COL4A2: variants seen among roughly 807,000 people sequenced by gnomAD.
The protein encoded by COL4A2 is collagen type IV alpha 2 chain.
COL4A2 carries 99 observed loss-of-function variants against 200.2 expected under a neutral mutation model. That is an observed-to-expected ratio of 0.49 (90% CI 0.42 to 0.58). The LOEUF is 0.58. Among genes scored for constraint, COL4A2 ranks in the 20% least tolerant of loss-of-function variants. The pLI is 0.00. For missense variants in COL4A2, 1,950 were observed against 2,314.1 expected (o/e 0.84, Z 3.23); for synonymous variants, 897 against 900.6 (o/e 1.00, Z 0.07).
chr13:110,377,706 A>T (rs1224340497), intron 4 of COL4A2, among the ~76,000 whole-genome samples: 1 of 152,250 alleles, frequency 6.6e-6, no homozygotes, highest in Non-Finnish European at 1.5e-5. Flanking sequence ...GAAATTCATT[A>T]TGTTGAGCTA....
intron 16 of COL4A2, 152 bp downstream of exon 16, chr13:110,439,985 G>C (rs1220275141): frequency 8.1e-7 from 1 of 1,234,776 alleles, no homozygotes; most frequent in Non-Finnish European, 1.1e-6. Flanking sequence ...AGATAATCCT[G>C]CCTCACAATA....
At chr13:110,450,262 G>C in intron 19 of COL4A2, 43 bp from the exon 20 acceptor site, 2 of 1,584,296 alleles carry the variant, frequency 1.3e-6, no homozygotes, top group Non-Finnish European at 1.7e-6. Flanking sequence ...CAGCGGTGTG[G>C]TATGGGAGAC....
intron 32 of COL4A2, among the ~76,000 whole-genome samples, chr13:110,483,624 C>T (rs1238646905): frequency 4.6e-5 from 7 of 151,856 alleles, no homozygotes; most frequent in Non-Finnish European, 7.4e-5. Flanking sequence ...TGCCACGTGT[C>T]GTCTGACTGC....
At chr13:110,370,248 G>A (rs1156888315) in intron 4 of COL4A2, among the ~76,000 whole-genome samples, 1 of 150,806 alleles carries the variant, frequency 6.6e-6, no homozygotes, top group Non-Finnish European at 1.5e-5. Context: ...CTTTTGACAA[G>A]TTTTTTGTTT....
rs2139560920 is a variant in COL4A2, at chr13:110,508,755, G to C, written c.4881+534G>C. The stretch of plus-strand genomic sequence containing the variant: ...AAGCCAGGAGAAGGTGCACAACCAG[G>C]ACCTGGGAAGGCACCGCCCACCCTT... On this transcript the variant is annotated intron_variant, in intron 47 of 47. Transcript: ENST00000360467. This position sits in a 1 kb window ranked among gnomAD's most constrained non-coding sequence, Gnocchi z 6.1. Among the ~76,000 whole-genome samples the C allele has an allele frequency of 6.6e-6, 1 of 152,296 alleles. No homozygotes were observed. Among genetic ancestry groups the C allele is most frequent in the East Asian group, 1.9e-4 (1 of 5,184 alleles).
Position 110,434,422 on chromosome 13 carries a change from T to C in COL4A2, c.706T>C (p.Tyr236His), listed in dbSNP as rs767482731. Residue 236 changes from tyrosine (Y) to histidine (H), a missense_variant, in exon 12 of 48, where the codon TAC becomes CAC. Around this residue, in one of 2 missense-constraint regions of COL4A2, gnomAD observed 565 missense variants for 593.5 expected, o/e 0.95. Coordinates refer to ENST00000360467, the MANE Select transcript of COL4A2 (RefSeq NM_001846.4). Reference protein sequence around the residue: ...GQQGNRGLGFYGVKGEKGDVG... With the variant: ...GQQGNRGLGFHGVKGEKGDVG... ...TCAGGGCAACAGAGGACTTGGTTTC[T>C]ACGGAGTTAAGGGTGAAAAGGTAAA... 2 of 1,614,104 alleles carry C rather than the reference T, an allele frequency of 1.2e-6. No homozygotes were observed. Among genetic ancestry groups the C allele is most frequent in the Non-Finnish European group, 1.7e-6 (2 of 1,179,980 alleles).
In COL4A2 at chr13:110,480,324, C is replaced by T. The variant is rs774237426; in HGVS notation, c.2692C>T (p.Gln898Ter). 1 of 1,613,924 alleles carries T rather than the reference C, an allele frequency of 6.2e-7. No homozygotes were observed. The highest frequency in any genetic ancestry group is 1.1e-5 in the South Asian group (1 of 91,042). Residue 898 changes from glutamine to a stop codon, truncating the protein, a stop_gained, in exon 31 of 48, where the codon CAA (glutamine) becomes TAA (stop). Coordinates refer to ENST00000360467, the MANE Select transcript of COL4A2 (RefSeq NM_001846.4). LOFTEE classifies it high-confidence loss of function. ...DRGDAGFTGE[Q>*]GHPGSPGFKG... ...AGGAGATGCTGGCTTCACAGGGGAG[C>T]AAGGCCATCCAGGAAGCCCTGGATT...
At chr13:110,445,680 C>T in intron 16 of COL4A2, 149 bp from the exon 17 acceptor site, 1 of 1,058,700 alleles carries the variant, frequency 9.4e-7, no homozygotes, top group Non-Finnish European at 1.3e-6. Context: ...TTTTTGAGAC[C>T]CAAGTCAGGG....
At chr13:110,355,485 G>GAGT (rs1449884487) in intron 3 of COL4A2, among the ~76,000 whole-genome samples, 1 of 85,110 alleles carries the variant, frequency 1.2e-5, no homozygotes, top group Non-Finnish European at 2.5e-5. Context: ...CTGTGTGTGT[G>GAGT]GGGGAGGGCT....
intron 3 of COL4A2, among the ~76,000 whole-genome samples, chr13:110,346,002 CA>C (rs781391571): frequency 2.0e-4 from 31 of 152,256 alleles, no homozygotes; most frequent in Non-Finnish European, 3.7e-4. Flanking sequence ...TGCCCACACC[CA>C]GCTCCGGGGC....
intron 3 of COL4A2, among the ~76,000 whole-genome samples, chr13:110,340,392 C>T (rs1876398390): frequency 6.6e-6 from 1 of 152,220 alleles, no homozygotes. Context: ...ACTCTAGCCA[C>T]AGATATGGCC....
At chr13:110,507,670 G>A (rs939583740) in intron 46 of COL4A2, 6 of 559,718 alleles carry the variant, frequency 1.1e-5, no homozygotes, top group African/African-American at 5.6e-5. Flanking sequence ...CCATGAAGAC[G>A]CCACTCCCTG....
chr13:110,502,243 T>TC (rs1292826681), intron 41 of COL4A2, among the ~76,000 whole-genome samples: 1 of 152,178 alleles, frequency 6.6e-6, no homozygotes, highest in African/African-American at 2.4e-5. Flanking sequence ...AACCCGAGTG[T>TC]CCATCAACAG....
At chr13:110,406,568 C>T (rs1879577871) in intron 4 of COL4A2, among the ~76,000 whole-genome samples, 1 of 152,098 alleles carries the variant, frequency 6.6e-6, no homozygotes, top group Admixed American at 6.5e-5. Context: ...GGGGGATGAG[C>T]TTCAAAAGTA....
At chr13:110,438,076 C>T (rs777590593) in intron 14 of COL4A2, 39 bp downstream of exon 14, 13 of 1,589,536 alleles carry the variant, frequency 8.2e-6, no homozygotes, top group Non-Finnish European at 1.1e-5. Context: ...CCCTGTGGCT[C>T]CTGGGCTGTC....
At position 110,345,850 on chromosome 13, in the gene COL4A2, A is replaced by T. The variant is rs1017784818; in HGVS notation, c.100-11622A>T. 5.3e-5 allele frequency among the ~76,000 whole-genome samples: 8 copies of T among 152,268 alleles called. No individual in the cohort carries two copies. The East Asian group carries it at 1.5e-3, about 29-fold the overall frequency. Reference sequence around the variant, plus strand: ...AACACCCAGGCTCTCATCTTGTTCCATCTCATCTGTGCCTGGGCATGTGTA... The same window carrying T: ...AACACCCAGGCTCTCATCTTGTTCCTTCTCATCTGTGCCTGGGCATGTGTA... On this transcript the variant is annotated intron_variant, in intron 3 of 47. Coordinates refer to ENST00000360467, the MANE Select transcript of COL4A2 (RefSeq NM_001846.4).
chr13:110,394,927 A>T (rs939581619), intron 4 of COL4A2, among the ~76,000 whole-genome samples: 1 of 152,218 alleles, frequency 6.6e-6, no homozygotes, highest in African/African-American at 2.4e-5. Flanking sequence ...AGTAAAAAAG[A>T]TCTGATGGAA....
chr13:110,512,604 A>AG lies in COL4A2; in HGVS notation c.*416dup, dbSNP rs1491208851. 5.1e-5 allele frequency: 10 copies of AG among 194,444 alleles called. No homozygotes were observed. The highest frequency in any genetic ancestry group is 2.3e-4 in the Admixed American group (4 of 17,330). The allele number at this position is 194,444 out of a possible 1,614,324, so 12.0% of individuals were successfully genotyped here. A position where few individuals can be genotyped will look rare whatever the true frequency, so the allele number is the denominator to read the frequency against. ...CCGTGGCCAGAGGCTCGAGGGGCTCAGGGCCTCAGGCACCCGTCCCCACAC... is the reference window on the plus strand; with the variant it reads ...CCGTGGCCAGAGGCTCGAGGGGCTCAGGGGCCTCAGGCACCCGTCCCCACAC... On this transcript the variant is annotated 3_prime_UTR_variant, in exon 48 of 48. Coordinates refer to ENST00000360467, the MANE Select transcript of COL4A2 (RefSeq NM_001846.4).
chr13:110,419,935 A>G (rs1880183968), intron 4 of COL4A2, among the ~76,000 whole-genome samples: 1 of 152,226 alleles, frequency 6.6e-6, no homozygotes, highest in Non-Finnish European at 1.5e-5. Context: ...TCCATGCTTA[A>G]GAGGTTTTTC....
Sources: gnomAD v4.1 joint callset for allele counts (sites outside exome capture counted in the v4.1 genomes callset) on GRCh38, gnomAD v4.1.1 for gene constraint, gnomAD v4.1.1 regional missense constraint, Gnocchi (gnomAD v3.1) non-coding constraint, MANE v1.5 for transcripts, NCBI Gene and HGNC (gene_info 2026-07-23, HGNC 2026-07-21) for gene names.